The following SORCS1 variants were observed in gnomAD, a reference collection of about 807,000 sequenced individuals.
SORCS1 encodes VPS10 domain-containing receptor SorCS1.
SORCS1 carries 60 observed loss-of-function variants against 146.1 expected under a neutral mutation model. The ratio of observed to expected loss-of-function variants is 0.41; its 90% CI spans 0.33 to 0.51. The LOEUF (loss-of-function observed/expected upper bound fraction) is 0.51. Ranked by LOEUF, SORCS1 falls within the 20% of genes least tolerant of loss-of-function variation. The pLI, the probability that SORCS1 is intolerant of heterozygous loss-of-function variation, is 0.21. For missense variants in SORCS1, 1,352 were observed against 1,487.6 expected, an observed-to-expected ratio of 0.91 and a Z score of 1.50; for synonymous variants, 637 against 584.0, an observed-to-expected ratio of 1.09 and a Z score of -1.31.
At chr10:107,140,239 G>C (rs1267459152) in intron 1 of SORCS1, among the ~76,000 whole-genome samples, 1 of 152,196 alleles carries the variant, frequency 6.6e-6, no homozygotes, top group Non-Finnish European at 1.5e-5. Flanking sequence ...CAGAATCTAT[G>C]AAGTTGAGTT....
At chr10:107,113,368 C>T (rs938934411) in intron 1 of SORCS1, among the ~76,000 whole-genome samples, 3 of 152,042 alleles carry the variant, frequency 2.0e-5, no homozygotes, top group African/African-American at 7.2e-5. Flanking sequence ...GCTGAGAGAA[C>T]TATATAGTGA....
chr10:106,755,809 G>A (rs1017276988), intron 5 of SORCS1, among the ~76,000 whole-genome samples: 1 of 152,146 alleles, frequency 6.6e-6, no homozygotes, highest in South Asian at 2.1e-4. Flanking sequence ...AGACAGACTG[G>A]CTTGATGGGG....
intron 1 of SORCS1, among the ~76,000 whole-genome samples, chr10:107,002,467 T>C (rs1325253528): frequency 6.6e-6 from 1 of 152,214 alleles, no homozygotes; most frequent in East Asian, 1.9e-4. Flanking sequence ...TTAGATGCCT[T>C]GTCTCTCTCA....
intron 9 of SORCS1, among the ~76,000 whole-genome samples, chr10:106,691,924 G>T (rs964418777): frequency 1.6e-5 from 1 of 64,060 alleles, no homozygotes; most frequent in Non-Finnish European, 5.7e-5. Flanking sequence ...GTCATCCCCT[G>T]TGTGACCTCT....
intron 6 of SORCS1, among the ~76,000 whole-genome samples, chr10:106,711,156 TC>T (rs1854953366): frequency 6.6e-6 from 1 of 152,224 alleles, no homozygotes; most frequent in African/African-American, 2.4e-5. Context: ...CTAATACTGT[TC>T]CTGGCACACA....
rs550255889 is a variant in SORCS1 at position 107,043,136 on chromosome 10, C to T, written c.559-86556G>A. 9.9e-5 allele frequency among the ~76,000 whole-genome samples: 15 copies of T among 152,194 alleles called. No individual in the cohort carries two copies. In the South Asian group the frequency reaches 2.5e-3, roughly 25 times the overall value. On this transcript the variant is annotated intron_variant, in intron 1 of 25. Coordinates refer to ENST00000263054, the MANE Select transcript of SORCS1 (RefSeq NM_052918.5). ...AATAATGAAAGAGAATTCTGTAAGA[C>T]AAACCTTTTTAATCATAAGAAAACA...
At chr10:106,826,417 T>C (rs181222544) in intron 3 of SORCS1, among the ~76,000 whole-genome samples, 2 of 152,348 alleles carry the variant, frequency 1.3e-5, no homozygotes, top group East Asian at 1.9e-4. Flanking sequence ...CCTAGAAGAA[T>C]TGGAGCAAAT....
At chr10:106,663,378 A>C (rs1850882900) in intron 17 of SORCS1, among the ~76,000 whole-genome samples, 1 of 152,224 alleles carries the variant, frequency 6.6e-6, no homozygotes, top group Non-Finnish European at 1.5e-5. Flanking sequence ...AAAGACAAGT[A>C]TTTAGAAGTA....
intron 1 of SORCS1, among the ~76,000 whole-genome samples, chr10:106,957,771 T>C (rs1187511023): frequency 6.6e-6 from 1 of 152,104 alleles, no homozygotes. Flanking sequence ...CCACAGCAAA[T>C]CCTCCTCCGA....
intron 2 of SORCS1, among the ~76,000 whole-genome samples, chr10:106,903,545 TG>T (rs1951802159): frequency 1.3e-5 from 2 of 152,224 alleles, no homozygotes; most frequent in African/African-American, 4.8e-5. Context: ...CAAATTTGCC[TG>T]AAATTTTGTA....
intron 1 of SORCS1, among the ~76,000 whole-genome samples, chr10:107,103,708 A>T (rs1365199572): frequency 1.3e-5 from 2 of 152,158 alleles, no homozygotes; most frequent in Admixed American, 1.3e-4. Flanking sequence ...GTTTGTATTA[A>T]TGAAATATGC....
chr10:106,674,096 C>CTTG (rs941066031), intron 14 of SORCS1, among the ~76,000 whole-genome samples: 2 of 147,720 alleles, frequency 1.4e-5, no homozygotes, highest in African/African-American at 5.0e-5. Context: ...GCAGGTGGAT[C>CTTG]ACAAGGTCAG....
chr10:106,880,520 A>T (rs141859002), intron 2 of SORCS1, among the ~76,000 whole-genome samples: 1 of 152,168 alleles, frequency 6.6e-6, no homozygotes, highest in South Asian at 2.1e-4. Context: ...ATTCAGATTC[A>T]TGGGTTTCTT....
intron 2 of SORCS1, among the ~76,000 whole-genome samples, chr10:106,917,315 T>C (rs1377090277): frequency 6.6e-6 from 1 of 152,200 alleles, no homozygotes; most frequent in East Asian, 1.9e-4. Context: ...ATAATTGTAA[T>C]TAATACCCAA....
At chr10:107,039,185 G>A (rs893100021) in intron 1 of SORCS1, among the ~76,000 whole-genome samples, 12 of 151,790 alleles carry the variant, frequency 7.9e-5, no homozygotes, top group East Asian at 3.9e-4. Context: ...AAAAATAGCC[G>A]GGCGTAGTGG....
At chr10:107,129,857 T>C (rs1966849488) in intron 1 of SORCS1, among the ~76,000 whole-genome samples, 1 of 152,208 alleles carries the variant, frequency 6.6e-6, no homozygotes, top group Non-Finnish European at 1.5e-5. Context: ...TGAGAGACCA[T>C]TGATCATTTC....
intron 2 of SORCS1, among the ~76,000 whole-genome samples, chr10:106,879,066 C>T (rs1211996643): frequency 2.0e-5 from 3 of 150,328 alleles, no homozygotes; most frequent in South Asian, 2.1e-4. Context: ...AGGAGAATGG[C>T]GTGAACCCGG....
rs545327470 is a variant in SORCS1 at position 106,946,037 on chromosome 10, G to C, written c.626+10476C>G. On this transcript the variant is annotated intron_variant, in intron 2 of 25. Transcript: ENST00000263054. ...CTCTGGGCTTTTCCCACTTGGCACT[G>C]GTTATGCTCTTCTTCTTTGACAGCA... Among the ~76,000 whole-genome samples the C allele has an allele frequency of 3.9e-5, 6 of 152,278 alleles. No homozygotes were observed. In the South Asian group the frequency reaches 1.2e-3, roughly 32 times the overall value.
At position 106,583,745 on chromosome 10, in the gene SORCS1, G is replaced by A. The variant is rs564480236; in HGVS notation, c.3266-4271C>T. Among the ~76,000 whole-genome samples the A allele has an allele frequency of 5.3e-5, 8 of 152,034 alleles. No homozygotes were observed. In the East Asian group the frequency reaches 7.8e-4, roughly 15 times the overall value. On this transcript the variant is annotated intron_variant, in intron 24 of 25. Transcript: ENST00000263054. ...GGCTGGTCTCGAACGCTAACCTTGA[G>A]TGATCCACCCGCCTTGACCTCCCAA...
Sources: gnomAD v4.1 joint callset for allele counts (sites outside exome capture counted in the v4.1 genomes callset) on GRCh38, gnomAD v4.1.1 for gene constraint, MANE v1.5 for transcripts, NCBI Gene and HGNC (gene_info 2026-07-23, HGNC 2026-07-21) for gene names.